The following SBF2 variants were observed in gnomAD, a reference collection of about 807,000 sequenced individuals.
The protein encoded by SBF2 is SET binding factor 2, also known as myotubularin-related protein 13.
A neutral mutation model predicts 225.2 loss-of-function variants in SBF2; 112 were observed. The observed-to-expected ratio is 0.50, with a 90% CI of 0.43 to 0.58. SBF2 has a LOEUF of 0.58. Among genes scored for constraint, SBF2 ranks in the 20% least tolerant of loss-of-function variants. The pLI is 0.00. For synonymous variants in SBF2, 763 were observed against 773.3 expected (o/e 0.99, Z 0.22); for missense variants, 1,996 against 2,206.2 (o/e 0.90, Z 1.91).
intron 4 of SBF2, 132 bp downstream of exon 4, chr11:10,030,916 G>T: frequency 1.3e-6 from 1 of 764,892 alleles, no homozygotes; most frequent in Non-Finnish European, 2.1e-6. Flanking sequence ...TTCTGTTCAT[G>T]CTAACTGTAT....
At chr11:9,891,230 G>A (rs116477577) in intron 17 of SBF2, among the ~76,000 whole-genome samples, 2,258 of 151,966 alleles carry the variant, frequency 0.015, 62 homozygotes, top group African/African-American at 0.051. Context: ...TAATACAAAA[G>A]TATGCTACTG....
At position 9,791,970 on chromosome 11, in the gene SBF2, G is replaced by A. The variant is rs1177350898; in HGVS notation, c.4571-1287C>T. On this transcript the variant is annotated intron_variant, in intron 33 of 39. Transcript: ENST00000256190. Reference sequence around the variant, plus strand: ...ACAGTATCCATATGGCTGGCTTAGGGCAACATGTACACATATAAGGAACAT... The same window carrying A: ...ACAGTATCCATATGGCTGGCTTAGGACAACATGTACACATATAAGGAACAT... Among the ~76,000 whole-genome samples, 3 of 152,162 alleles carry A rather than the reference G, an allele frequency of 2.0e-5. No homozygotes were observed. The East Asian group carries it at 5.8e-4, about 29-fold the overall frequency.
At chr11:9,978,685 C>T (rs960751361) in intron 13 of SBF2, among the ~76,000 whole-genome samples, 1 of 152,080 alleles carries the variant, frequency 6.6e-6, no homozygotes, top group East Asian at 1.9e-4. Context: ...CTTTATCACC[C>T]ATGCTGGAGT....
chr11:9,816,249 A>C (rs1448765808), intron 29 of SBF2, among the ~76,000 whole-genome samples: 1 of 152,202 alleles, frequency 6.6e-6, no homozygotes, highest in Admixed American at 6.5e-5. Context: ...TTAGCGCAAC[A>C]ATTTAACAGT....
chr11:10,036,923 T>C (rs1463668886), intron 3 of SBF2, among the ~76,000 whole-genome samples: 5 of 152,192 alleles, frequency 3.3e-5, no homozygotes, highest in Admixed American at 3.3e-4. Flanking sequence ...CAGCCCTTCC[T>C]AGCCTGAAAT....
At chr11:10,273,904 G>A (rs1383645635) in intron 1 of SBF2, among the ~76,000 whole-genome samples, 1 of 152,206 alleles carries the variant, frequency 6.6e-6, no homozygotes, top group Non-Finnish European at 1.5e-5. Context: ...AAGGCAAGAT[G>A]ACCTTCATCA....
In SBF2 at chr11:9,779,609, G is replaced by GTGTT. The variant is rs1851894690; in HGVS notation, c.*805_*808dup. 1 of 152,894 alleles carries GTGTT rather than the reference G, an allele frequency of 6.5e-6. No homozygotes were observed. The highest frequency in any genetic ancestry group is 2.4e-5 in the African/African-American group (1 of 41,444). 9.5% of individuals were successfully genotyped at this position (152,894 alleles called of 1,614,324 possible). A position where few individuals can be genotyped will look rare whatever the true frequency, so the allele number is the denominator to read the frequency against. On this transcript the variant is annotated 3_prime_UTR_variant, in exon 40 of 40. Coordinates refer to ENST00000256190, the MANE Select transcript of SBF2 (RefSeq NM_030962.4). ...TCACTTCATTGGGAATTCAGTGCAA[G>GTGTT]TGTTTGTTTTGTGAGTTAGTGCATT...
intron 1 of SBF2, among the ~76,000 whole-genome samples, chr11:10,283,341 A>C (rs1345844339): frequency 6.6e-6 from 1 of 151,560 alleles, no homozygotes; most frequent in East Asian, 1.9e-4. Flanking sequence ...GAGAAAACTC[A>C]GGCTATGTAT....
intron 2 of SBF2, among the ~76,000 whole-genome samples, chr11:10,099,546 A>G (rs1430412172): frequency 3.3e-5 from 5 of 151,020 alleles, no homozygotes; most frequent in Non-Finnish European, 6.0e-5. Flanking sequence ...GTAAGTAGAT[A>G]GTCAGTGTCA....
intron 24 of SBF2, among the ~76,000 whole-genome samples, chr11:9,844,284 T>C (rs1055516208): frequency 2.0e-5 from 3 of 152,168 alleles, no homozygotes; most frequent in Admixed American, 6.5e-5. Flanking sequence ...AGAAATAATA[T>C]ACTGTCTGGA....
At chr11:10,262,096 C>T (rs189564686) in intron 1 of SBF2, among the ~76,000 whole-genome samples, 37 of 150,694 alleles carry the variant, frequency 2.5e-4, no homozygotes, top group Non-Finnish European at 4.4e-4. Flanking sequence ...AACATTGCAT[C>T]AAAAGAAAAA....
chr11:10,089,486 T>C (rs944968031), intron 2 of SBF2, among the ~76,000 whole-genome samples: 2 of 152,182 alleles, frequency 1.3e-5, no homozygotes, highest in Admixed American at 6.5e-5. Flanking sequence ...ATAGTATAAA[T>C]TGTTCAAGTG....
intron 12 of SBF2, among the ~76,000 whole-genome samples, chr11:9,990,924 G>T (rs1947407508): frequency 6.6e-6 from 1 of 152,294 alleles, no homozygotes; most frequent in African/African-American, 2.4e-5. Context: ...TACAAAAATA[G>T]AGGCTGTGGC....
intron 13 of SBF2, among the ~76,000 whole-genome samples, chr11:9,980,288 TTAAA>T (rs1253765002): frequency 2.1e-5 from 2 of 96,994 alleles, no homozygotes; most frequent in African/African-American, 9.1e-5. Context: ...CCTCTTGTAA[TTAAA>T]AAAAAAAAAA....
Position 9,780,421 on chromosome 11 carries a change from G to A in SBF2, c.5547C>T (p.Ala1849=). ...CTGCGTGGGTTGACCATGGGCATCA[G>A]GCATCAGAGATACAACTCTGGATCT... The part of the protein sequence containing the change: ...MDKIQSCISD[A] Residue 1849 remains alanine, a synonymous_variant, in exon 40 of 40, where the codon GCC becomes GCT. Coordinates refer to ENST00000256190, the MANE Select transcript of SBF2 (RefSeq NM_030962.4). The A allele has an allele frequency of 4.3e-6, 7 of 1,613,234 alleles. No homozygotes were observed. The highest frequency in any genetic ancestry group is 5.9e-6 in the Non-Finnish European group (7 of 1,179,224).
At chr11:9,859,178 C>T (rs1301308783) in intron 17 of SBF2, among the ~76,000 whole-genome samples, 1 of 152,140 alleles carries the variant, frequency 6.6e-6, no homozygotes, top group South Asian at 2.1e-4. Context: ...AGTTCCAAAA[C>T]CCCTGCTCTT....
At chr11:9,828,457 A>T (rs1855193062) in intron 28 of SBF2, 9 of 985,458 alleles carry the variant, frequency 9.1e-6, no homozygotes, top group Middle Eastern at 5.2e-4. Flanking sequence ...TTTAATGATA[A>T]ATGGAGCAAG....
At chr11:9,836,471 G>A (rs766290707) in intron 26 of SBF2, among the ~76,000 whole-genome samples, 24 of 152,034 alleles carry the variant, frequency 1.6e-4, no homozygotes, top group Admixed American at 3.3e-4. Context: ...CCACTGGTCC[G>A]TTTGTCCATT....
chr11:9,965,615 T>C (rs1230947850), intron 14 of SBF2, among the ~76,000 whole-genome samples: 2 of 152,138 alleles, frequency 1.3e-5, no homozygotes, highest in East Asian at 1.9e-4. Flanking sequence ...ACTAATTATA[T>C]GCTCACAATA....
Sources: allele counts gnomAD v4.1 joint callset (sites outside exome capture counted in the v4.1 genomes callset), GRCh38; gene constraint gnomAD v4.1.1; transcripts MANE v1.5; gene names NCBI Gene and HGNC (gene_info 2026-07-23, HGNC 2026-07-21).